The following AGBL1 variants were observed in gnomAD, a reference collection of about 807,000 sequenced individuals.
AGBL1 encodes cytosolic carboxypeptidase 4.
Under a neutral mutation model 118.9 loss-of-function variants are expected in AGBL1, and 130 were observed. That is an observed-to-expected ratio of 1.09 (90% CI 0.95 to 1.26). The LOEUF (loss-of-function observed/expected upper bound fraction) is 1.26, where lower values mean the gene tolerates loss of function less well. Among genes scored for constraint, AGBL1 ranks in the 50% most tolerant of loss-of-function variants. The pLI is 0.00. For missense variants in AGBL1, 1,584 were observed against 1,298.1 expected (o/e 1.22, Z -3.38); for synonymous variants, 555 against 478.9 (o/e 1.16, Z -2.08).
chr15:86,393,418 A>G (rs1333851934), intron 17 of AGBL1, among the ~76,000 whole-genome samples: 1 of 152,214 alleles, frequency 6.6e-6, no homozygotes, highest in Admixed American at 6.5e-5. Context: ...GAAAGCACTT[A>G]CTATTGTTGT....
chr15:86,182,766 T>G (rs1317593640), intron 5 of AGBL1, among the ~76,000 whole-genome samples: 2 of 152,088 alleles, frequency 1.3e-5, no homozygotes, highest in African/African-American at 4.8e-5. Flanking sequence ...GATATAGATC[T>G]CTCCTCAAAT....
chr15:86,818,089 TGTGTGC>T (rs926092740), intron 22 of AGBL1, among the ~76,000 whole-genome samples: 5 of 151,512 alleles, frequency 3.3e-5, no homozygotes, highest in East Asian at 2.0e-4. Context: ...GGCAAGTTTG[TGTGTGC>T]GTGTGCGTGT....
chr15:86,766,868 C>CT (rs1567163984), intron 22 of AGBL1, among the ~76,000 whole-genome samples: 4 of 151,820 alleles, frequency 2.6e-5, no homozygotes, highest in Non-Finnish European at 5.9e-5. Flanking sequence ...CACACACACA[C>CT]ACCCCTCTGC....
At chr15:86,490,158 T>C (rs1052493630) in intron 18 of AGBL1, among the ~76,000 whole-genome samples, 4 of 152,010 alleles carry the variant, frequency 2.6e-5, no homozygotes, top group African/African-American at 9.7e-5. Flanking sequence ...ATCTCGTACT[T>C]TCTGTTATCT....
intron 24 of AGBL1, among the ~76,000 whole-genome samples, chr15:87,026,254 A>C (rs1037379309): frequency 1.7e-4 from 26 of 152,084 alleles, no homozygotes; most frequent in African/African-American, 2.4e-5. Flanking sequence ...CAATCTATAC[A>C]TCTAACAAAG....
chr15:86,572,266 C>T (rs2084020792), intron 21 of AGBL1, among the ~76,000 whole-genome samples: 1 of 152,176 alleles, frequency 6.6e-6, no homozygotes, highest in Non-Finnish European at 1.5e-5. Flanking sequence ...GCAGCTGCAC[C>T]TGTGGAGCTC....
chr15:86,132,977 C>T (rs1395628755), intron 1 of AGBL1, among the ~76,000 whole-genome samples: 1 of 152,144 alleles, frequency 6.6e-6, no homozygotes, highest in Non-Finnish European at 1.5e-5. Context: ...TATTTATCAA[C>T]ATTTTATTGA....
At chr15:86,708,326 G>T (rs992053535) in intron 22 of AGBL1, among the ~76,000 whole-genome samples, 2 of 152,046 alleles carry the variant, frequency 1.3e-5, no homozygotes, top group East Asian at 3.9e-4. Context: ...AGACATAGGA[G>T]AGGTCATTCT....
intron 22 of AGBL1, among the ~76,000 whole-genome samples, chr15:86,827,726 C>A (rs1480364307): frequency 8.2e-5 from 12 of 146,298 alleles, no homozygotes; most frequent in Non-Finnish European, 1.3e-4. Flanking sequence ...AACTCTGAGA[C>A]CACTACCACC....
intron 6 of AGBL1, among the ~76,000 whole-genome samples, chr15:86,229,389 A>T (rs944778839): frequency 2.6e-5 from 4 of 152,136 alleles, no homozygotes; most frequent in African/African-American, 9.7e-5. Flanking sequence ...AGGGCAAAAA[A>T]ACCCTTATGA....
At chr15:86,314,128 G>C (rs2079961942) in intron 17 of AGBL1, among the ~76,000 whole-genome samples, 2 of 152,182 alleles carry the variant, frequency 1.3e-5, no homozygotes, top group Admixed American at 1.3e-4. Context: ...CTATCTTTGA[G>C]GTTTGGATAT....
intron 18 of AGBL1, among the ~76,000 whole-genome samples, chr15:86,434,720 G>T (rs1223307356): frequency 6.6e-6 from 1 of 152,184 alleles, no homozygotes; most frequent in Non-Finnish European, 1.5e-5. Flanking sequence ...TCTGACACCA[G>T]AGGATGTCAG....
intron 22 of AGBL1, among the ~76,000 whole-genome samples, chr15:86,725,808 A>G (rs2086809924): frequency 6.6e-6 from 1 of 152,214 alleles, no homozygotes; most frequent in African/African-American, 2.4e-5. Context: ...AATCAACCCT[A>G]AGTACAAAGG....
In AGBL1 at chr15:86,122,203, G is replaced by A. The variant is rs1052777192; in HGVS notation, c.52-19801G>A. 2.6e-5 allele frequency among the ~76,000 whole-genome samples: 4 copies of A among 152,306 alleles called. No individual in the cohort carries two copies. In the East Asian group the frequency reaches 7.7e-4, roughly 29 times the overall value. On this transcript the variant is annotated intron_variant, in intron 1 of 22. Transcript: ENST00000614907. The stretch of plus-strand genomic sequence containing the variant: ...CCATTTCCCGACATGGTCACAGGAG[G>A]TTCTGACAGATTGAGTGTTGTACAG...
At chr15:86,400,435 T>TGAC (rs1200648947) in intron 18 of AGBL1, among the ~76,000 whole-genome samples, 1 of 152,078 alleles carries the variant, frequency 6.6e-6, no homozygotes, top group Non-Finnish European at 1.5e-5. Flanking sequence ...CTCCTTTTTG[T>TGAC]GACGCTGTGG....
intron 13 of AGBL1, among the ~76,000 whole-genome samples, chr15:86,268,208 G>T (rs2079103344): frequency 1.3e-5 from 2 of 152,018 alleles, no homozygotes; most frequent in Admixed American, 1.3e-4. Flanking sequence ...TGGGGGAGGT[G>T]AAGGGTGATT....
At chr15:86,438,081 T>C (rs1029093903) in intron 18 of AGBL1, among the ~76,000 whole-genome samples, 2 of 152,014 alleles carry the variant, frequency 1.3e-5, no homozygotes, top group Non-Finnish European at 2.9e-5. Flanking sequence ...AATTTTTGTA[T>C]TTTTTTAGTA....
At chr15:86,465,525 C>T (rs974081679) in intron 18 of AGBL1, among the ~76,000 whole-genome samples, 9 of 152,108 alleles carry the variant, frequency 5.9e-5, no homozygotes, top group Non-Finnish European at 8.8e-5. Flanking sequence ...TTTCAGAAAG[C>T]GAATAGGAGA....
intron 1 of AGBL1, among the ~76,000 whole-genome samples, chr15:86,130,859 C>T (rs1236919864): frequency 3.3e-5 from 5 of 152,154 alleles, no homozygotes; most frequent in African/African-American, 1.2e-4. Flanking sequence ...AATAAGTCAT[C>T]AGGGCAGTTC....
Sources: gnomAD v4.1 joint callset for allele counts (sites outside exome capture counted in the v4.1 genomes callset) on GRCh38, gnomAD v4.1.1 for gene constraint, MANE v1.5 for transcripts, NCBI Gene and HGNC (gene_info 2026-07-23, HGNC 2026-07-21) for gene names.